The following ABCC3 variants were observed in gnomAD, a reference collection of about 807,000 sequenced individuals.
ABCC3 encodes the protein ATP binding cassette subfamily C member 3.
Under a neutral mutation model 165.3 loss-of-function variants are expected in ABCC3, and 121 were observed. That is an observed-to-expected ratio of 0.73 (90% CI 0.63 to 0.85). The LOEUF is 0.85. ABCC3 is among the 40% of genes least tolerant of loss of function. ABCC3 has a pLI of 0.00. For missense variants in ABCC3, 1,869 were observed against 1,964.1 expected (o/e 0.95, Z 0.92); for synonymous variants, 733 against 810.1 (o/e 0.90, Z 1.62).
intron 13 of ABCC3, among the ~76,000 whole-genome samples, chr17:50,668,214 G>C (rs1375091772): frequency 1.3e-5 from 2 of 152,154 alleles, no homozygotes; most frequent in Non-Finnish European, 2.9e-5. Context: ...CGGGTGTCTG[G>C]AAACCTGAGT....
At chr17:50,679,989 T>G (rs939342042) in intron 26 of ABCC3, 90 bp downstream of exon 26, 1 of 900,800 alleles carries the variant, frequency 1.1e-6, no homozygotes, top group African/African-American at 1.6e-5. Flanking sequence ...CATCAGGGCC[T>G]GCCACGTATG....
At chr17:50,684,617 AC>A (rs2146643923) in intron 28 of ABCC3, 91 bp from the exon 29 acceptor site, 1 of 1,366,448 alleles carries the variant, frequency 7.3e-7, no homozygotes, top group South Asian at 1.4e-5. Flanking sequence ...GAATGCTGCC[AC>A]CTTAATCCCT....
intron 5 of ABCC3, 68 bp downstream of exon 5, chr17:50,658,275 C>T (rs1597847960): frequency 6.2e-7 from 1 of 1,609,788 alleles, no homozygotes; most frequent in South Asian, 1.1e-5. Flanking sequence ...ACCAGCAGCC[C>T]CCAACCCCTC....
chr17:50,656,052 G>A, intron 2 of ABCC3, 44 bp downstream of exon 2: 2 of 1,408,742 alleles, frequency 1.4e-6, no homozygotes, highest in Non-Finnish European at 1.9e-6. Context: ...TGGGCCCTGG[G>A]GATTCTGCTT....
chr17:50,638,390 T>C (rs549544995), intron 1 of ABCC3, among the ~76,000 whole-genome samples: 2 of 152,300 alleles, frequency 1.3e-5, no homozygotes, highest in South Asian at 4.1e-4. Context: ...CATCCAAAGA[T>C]GGCAAGGACC....
At chr17:50,642,326 C>A (rs986650952) in intron 1 of ABCC3, among the ~76,000 whole-genome samples, 1 of 152,134 alleles carries the variant, frequency 6.6e-6, no homozygotes, top group African/African-American at 2.4e-5. Context: ...GGGCGGGTAC[C>A]CCCTGCCTCC....
At chr17:50,639,383 C>T (rs745822633) in intron 1 of ABCC3, among the ~76,000 whole-genome samples, 9 of 152,182 alleles carry the variant, frequency 5.9e-5, no homozygotes, top group African/African-American at 2.2e-4. Flanking sequence ...CAGAGAGATA[C>T]GGGGAAGGAA....
chr17:50,660,808 A>G (rs1967360857), intron 7 of ABCC3, 115 bp from the exon 8 acceptor site: 1 of 812,832 alleles, frequency 1.2e-6, no homozygotes, highest in Admixed American at 2.5e-5. Context: ...CAGCTCTGAG[A>G]GCCAAGAAAA....
rs945220200 is a variant in ABCC3 at position 50,683,540 on chromosome 17, G to A, written c.3808-70G>A. ...TGGGGAGGATTGAGGGGCCTTGGGGGAGAGAGACCGAAAGGTGAAAGAGGG... is the reference window on the plus strand; with the variant it reads ...TGGGGAGGATTGAGGGGCCTTGGGGAAGAGAGACCGAAAGGTGAAAGAGGG... On this transcript the variant is annotated intron_variant, in intron 26 of 30. Transcript: ENST00000285238. 4.1e-6 allele frequency: 6 copies of A among 1,458,020 alleles called. No homozygotes were observed. The African/African-American group carries it at 4.3e-5, about 10-fold the overall frequency. 90.3% of individuals were successfully genotyped at this position (1,458,020 alleles called of 1,614,324 possible).
chr17:50,672,659 G>GT (rs1479666951), intron 17 of ABCC3, among the ~76,000 whole-genome samples: 11 of 152,180 alleles, frequency 7.2e-5, no homozygotes, highest in African/African-American at 2.4e-4. Flanking sequence ...GAGCTCAGGA[G>GT]TTGGAGACCA....
At chr17:50,671,259 T>TA (rs528722797) in intron 17 of ABCC3, among the ~76,000 whole-genome samples, 2,633 of 133,136 alleles carry the variant, frequency 0.02, 29 homozygotes, top group South Asian at 0.024. Flanking sequence ...GACTCTGTCT[T>TA]AAAAAAAAAA....
intron 26 of ABCC3, among the ~76,000 whole-genome samples, chr17:50,682,227 A>G (rs1196619609): frequency 6.6e-6 from 1 of 151,876 alleles, no homozygotes; most frequent in Non-Finnish European, 1.5e-5. Context: ...TTCTTCAACA[A>G]GAAGCCTCAG....
intron 30 of ABCC3, among the ~76,000 whole-genome samples, chr17:50,689,953 A>G (rs933468316): frequency 6.6e-6 from 1 of 152,144 alleles, no homozygotes; most frequent in Non-Finnish European, 1.5e-5. Context: ...TCATGTGTAA[A>G]TAGGGCCCAT....
chr17:50,669,245 A>G lies in ABCC3; in HGVS notation c.2043A>G (p.Leu681=), dbSNP rs41280126. The change falls in exon 16 of 31, where the codon CTA becomes CTG. Residue 681 remains leucine, a synonymous_variant. Transcript: ENST00000285238. ...CCCTGCTGGGAGAGATGGAGAAGCT[A>G]GAAGGCAAAGTGCACATGAAGGTGA... is the stretch of plus-strand genomic sequence containing the variant. ...VSALLGEMEK[L]EGKVHMKGSV... is the part of the protein sequence containing the mutation. 6.2e-7 allele frequency: 1 copy of G among 1,613,986 alleles called. No homozygotes were observed. Among genetic ancestry groups the G allele is most frequent in the Non-Finnish European group, 8.5e-7 (1 of 1,179,970 alleles).
intron 30 of ABCC3, among the ~76,000 whole-genome samples, 176 bp from the exon 31 acceptor site, chr17:50,690,916 C>G (rs996032641): frequency 6.6e-6 from 1 of 152,234 alleles, no homozygotes; most frequent in Non-Finnish European, 1.5e-5. Flanking sequence ...CTTGCCAGAA[C>G]TAACAGAATG....
At chr17:50,677,381 G>A (rs1370739152) in intron 23 of ABCC3, among the ~76,000 whole-genome samples, 2 of 152,170 alleles carry the variant, frequency 1.3e-5, no homozygotes, top group African/African-American at 4.8e-5. Context: ...AGTTCCCGGG[G>A]ATAGATGCTC....
At chr17:50,639,438 G>A (rs931269177) in intron 1 of ABCC3, among the ~76,000 whole-genome samples, 13 of 152,302 alleles carry the variant, frequency 8.5e-5, no homozygotes, top group African/African-American at 1.4e-4. Flanking sequence ...TGCCAAGCCC[G>A]CCTGTAGTCC....
rs768886195 is a variant in ABCC3, at chr17:50,655,952, C to A, written c.166C>A (p.Leu56Met). ...CGCCCTGCCCTGCTACTTGCTCTAC[C>A]TGCGGCACCATTGTCGTGGCTACAT... ...WVALPCYLLY[L>M]RHHCRGYIIL... The change falls in exon 2 of 31, where the codon CTG (leucine) becomes ATG (methionine). Residue 56 changes from leucine (L) to methionine (M), a missense_variant. Coordinates refer to ENST00000285238, the MANE Select transcript of ABCC3 (RefSeq NM_003786.4). The A allele has an allele frequency of 8.1e-6, 13 of 1,614,044 alleles. No individual in the cohort carries two copies. The highest frequency in any genetic ancestry group is 1.1e-5 in the Non-Finnish European group (13 of 1,180,034).
chr17:50,653,265 G>A (rs1436445601), intron 1 of ABCC3, among the ~76,000 whole-genome samples: 1 of 148,728 alleles, frequency 6.7e-6, no homozygotes, highest in Non-Finnish European at 1.5e-5. Flanking sequence ...AGAATTGCTT[G>A]AAGCTGGGAG....
Sources: gnomAD v4.1 joint callset for allele counts (sites outside exome capture counted in the v4.1 genomes callset) on GRCh38, gnomAD v4.1.1 for gene constraint, MANE v1.5 for transcripts, NCBI Gene and HGNC (gene_info 2026-07-23, HGNC 2026-07-21) for gene names.